The following COL3A1 variants were observed in gnomAD, a reference collection of about 807,000 sequenced individuals.
COL3A1 encodes collagen type III alpha 1 chain, also known as collagen alpha-1(III) chain.
COL3A1 carries 46 observed loss-of-function variants against 200.9 expected under a neutral mutation model. The observed-to-expected ratio is 0.23, with a 90% confidence interval of 0.18 to 0.29. The LOEUF is 0.29. Among genes scored for constraint, COL3A1 ranks in the 10% least tolerant of loss-of-function variants. The pLI is 1.00. For synonymous variants in COL3A1, 650 were observed against 628.0 expected (o/e 1.03, Z -0.52); for missense variants, 1,367 against 1,917.6 (o/e 0.71, Z 5.36).
chr2:189,002,872 C>G (rs1009254727), intron 35 of COL3A1, 83 bp from the exon 36 acceptor site: 4 of 1,072,910 alleles, frequency 3.7e-6, no homozygotes, highest in African/African-American at 1.6e-5. Context: ...CTGAAGAATT[C>G]TATATTCTGA....
Position 188,994,734 on chromosome 2 carries a change from G to C in COL3A1, c.1358G>C (p.Gly453Ala). The change falls in exon 20 of 51, where the codon GGT (glycine) becomes GCT (alanine). Residue 453 changes from glycine (G) to alanine (A), a missense_variant. Gly to Ala is a moderately conservative substitution (Grantham distance 60). This residue lies in a region of COL3A1 where 462 missense variants were observed against 681.4 expected (regional missense o/e 0.68). Transcript: ENST00000304636. The surrounding 1 kb of genome is among the most constrained non-coding windows in gnomAD (Gnocchi z 4.5). ...PGPRGERGEA[G>A]IPGVPGAKGE... The stretch of plus-strand genomic sequence containing the variant: ...TTTTTTTTTTTTCAGGGTGAGGCTG[G>C]TATTCCAGGTGTTCCAGGAGCTAAA... 4 of 1,613,278 alleles carry C rather than the reference G, an allele frequency of 2.5e-6. No homozygotes were observed. Among genetic ancestry groups the C allele is most frequent in the Non-Finnish European group, 3.4e-6 (4 of 1,179,836 alleles).
intron 8 of COL3A1, 55 bp downstream of exon 8, chr2:188,989,504 A>G (rs1688134292): frequency 7.9e-7 from 1 of 1,265,702 alleles, no homozygotes; most frequent in Admixed American, 1.8e-5. Context: ...GGTGTATTCT[A>G]AACAGTATAT....
chr2:188,997,828 T>C, intron 27 of COL3A1, 75 bp downstream of exon 27: 1 of 1,278,314 alleles, frequency 7.8e-7, no homozygotes, highest in Non-Finnish European at 1.1e-6. Context: ...GATTATAATT[T>C]ATCTGAAGCT....
In COL3A1 at chr2:188,985,204, G is replaced by T. The variant is rs1197947308; in HGVS notation, c.290G>T (p.Arg97Leu). Residue 97 changes from arginine to leucine, a missense_variant, in exon 3 of 51, where the codon CGC becomes CTC. Arg to Leu is a moderately radical substitution (Grantham distance 102, BLOSUM62 -2). Around this residue, in one of 5 missense-constraint regions of COL3A1, gnomAD observed 462 missense variants for 681.4 expected, o/e 0.68. Coordinates refer to ENST00000304636, the MANE Select transcript of COL3A1 (RefSeq NM_000090.4). Reference protein sequence around the residue: ...VCPQPPTAPTRPPNGQGPQGP... With the variant: ...VCPQPPTAPTLPPNGQGPQGP... ...TTCTTTTCCATTTATTAGCCTACTC[G>T]CCCTCCTAATGGTCAAGGACCTCAA... The T allele has an allele frequency of 3.7e-6, 6 of 1,612,106 alleles. No individual in the cohort carries two copies. Among genetic ancestry groups the T allele is most frequent in the East Asian group, 2.2e-5 (1 of 44,842 alleles).
At chr2:188,997,634 A>T (rs1688359186) in intron 26 of COL3A1, 66 bp from the exon 27 acceptor site, 1 of 1,508,814 alleles carries the variant, frequency 6.6e-7, no homozygotes, top group Admixed American at 1.7e-5. Context: ...AGGCCTGTTG[A>T]AATGGATACT....
In COL3A1 at chr2:188,996,020, A is replaced by G. The variant is rs959127564; in HGVS notation, c.1609-105A>G. 44 of 1,159,916 alleles carry G rather than the reference A, an allele frequency of 3.8e-5. 1 individual carries two copies. In the Admixed American group the frequency reaches 6.6e-4, roughly 18 times the overall value. The allele number at this position is 1,159,916 out of a possible 1,614,324, so 71.9% of individuals were successfully genotyped here. On this transcript the variant is annotated intron_variant, in intron 22 of 50. Transcript: ENST00000304636. ...ACAGGAAAAAAGATGTGCAAATCTG[A>G]GGCTTCACATGTAAGTGAAAATATC...
At chr2:189,001,729 C>T (rs1237890604) in intron 34 of COL3A1, 140 bp downstream of exon 34, 1 of 811,362 alleles carries the variant, frequency 1.2e-6, no homozygotes, top group Non-Finnish European at 2.1e-6. Context: ...ATATAAGGAA[C>T]CATATAGCAT....
chr2:189,000,445 T>G (rs1282911183), intron 32 of COL3A1, among the ~76,000 whole-genome samples: 1 of 152,130 alleles, frequency 6.6e-6, no homozygotes, highest in African/African-American at 2.4e-5. Flanking sequence ...TAGAACAGAT[T>G]AGTGGTTGCT....
intron 8 of COL3A1, among the ~76,000 whole-genome samples, chr2:188,989,848 A>T: frequency 6.6e-6 from 1 of 152,112 alleles, no homozygotes; most frequent in South Asian, 2.1e-4. Context: ...CCAATGGCAA[A>T]TTCTTTTCAC....
chr2:189,005,870 T>C (rs1688574730), intron 41 of COL3A1, among the ~76,000 whole-genome samples: 1 of 152,198 alleles, frequency 6.6e-6, no homozygotes, highest in Non-Finnish European at 1.5e-5. Context: ...AATATATGTA[T>C]ACAATGTGGA....
At chr2:188,980,220 T>C (rs888345363) in intron 1 of COL3A1, among the ~76,000 whole-genome samples, 2 of 151,508 alleles carry the variant, frequency 1.3e-5, no homozygotes, top group African/African-American at 2.4e-5. Flanking sequence ...AATTTGACAC[T>C]AAGAAGATTT....
At chr2:188,983,820 C>A (rs538792637) in intron 1 of COL3A1, among the ~76,000 whole-genome samples, 1 of 151,920 alleles carries the variant, frequency 6.6e-6, no homozygotes, top group African/African-American at 2.4e-5. Context: ...CAATTACTGG[C>A]AAACTATCAT....
At position 189,007,415 on chromosome 2, in the gene COL3A1, A is replaced by T. The variant is rs974312291; in HGVS notation, c.3256-85A>T. The stretch of plus-strand genomic sequence containing the variant: ...TTTTTTAGCTGATAGAAAGCCATAA[A>T]ATAGATTTAATTATTATAAATTCTA... On this transcript the variant is annotated intron_variant, in intron 44 of 50. Transcript: ENST00000304636. The T allele has an allele frequency of 2.2e-4, 236 of 1,092,694 alleles. 1 individual carries two copies. The highest frequency in any genetic ancestry group is 2.2e-4 in the Non-Finnish European group (167 of 752,032). 67.7% of individuals were successfully genotyped at this position (1,092,694 alleles called of 1,614,324 possible).
Position 188,999,563 on chromosome 2 carries a change from C to A in COL3A1, c.2215C>A (p.Pro739Thr). ...AAGAGGAGGTCTTGGAAGTCCTGGT[C>A]CAAAGGGTGACAAGGTGTTGACTTG... ...GERGGLGSPG[P>T]KGDKGEPGGP... Residue 739 changes from proline to threonine, a missense_variant, in exon 31 of 51, where the codon CCA becomes ACA. Physicochemically the swap from Pro to Thr is conservative, Grantham distance 38. Transcript: ENST00000304636. The A allele has an allele frequency of 1.9e-6, 3 of 1,613,388 alleles. No individual in the cohort carries two copies. Among genetic ancestry groups the A allele is most frequent in the Non-Finnish European group, 2.5e-6 (3 of 1,179,966 alleles).
chr2:188,997,174 G>T lies in COL3A1; in HGVS notation c.1771G>T (p.Gly591Cys). 1 of 1,613,910 alleles carries T rather than the reference G, an allele frequency of 6.2e-7. No homozygotes were observed. The highest frequency in any genetic ancestry group is 8.5e-7 in the Non-Finnish European group (1 of 1,179,974). Residue 591 changes from glycine (G) to cysteine (C), a missense_variant, in exon 25 of 51, where the codon GGT becomes TGT. Transcript: ENST00000304636. ...PGPKGNDGAP[G>C]KNGERGGPGG... ...ACCACTTCTTCTTTAGGGTGCTCCT[G>T]GTAAGAATGGAGAACGAGGTGGCCC...
At chr2:188,989,362 CA>C (rs2153501858) in intron 7 of COL3A1, 33 bp from the exon 8 acceptor site, 1 of 1,507,066 alleles carries the variant, frequency 6.6e-7, no homozygotes, top group Admixed American at 1.8e-5. Context: ...GAAAAATTTA[CA>C]AATCTATTCA....
At chr2:189,004,410 C>T in intron 40 of COL3A1, 46 bp downstream of exon 40, 1 of 1,505,244 alleles carries the variant, frequency 6.6e-7, no homozygotes, top group South Asian at 1.2e-5. Flanking sequence ...CTTTGGTAGC[C>T]TTCAGAGATC....
chr2:188,974,415 A>G lies in COL3A1; in HGVS notation c.-75A>G. The G allele has an allele frequency of 8.8e-7, 1 of 1,138,162 alleles. No homozygotes were observed. The highest frequency in any genetic ancestry group is 2.4e-5 in the East Asian group (1 of 41,964). The allele number at this position is 1,138,162 out of a possible 1,614,324, so 70.5% of individuals were successfully genotyped here. The stretch of plus-strand genomic sequence containing the variant: ...GGCCCGGTGCTGAAGGGCAGGGAAC[A>G]ACTTGATGGTGCTACTTTGAACTGC... On this transcript the variant is annotated 5_prime_UTR_variant, in exon 1 of 51. Transcript: ENST00000304636.
At chr2:189,011,548 G>A in intron 50 of COL3A1, 80 bp from the exon 51 acceptor site, 1 of 1,540,592 alleles carries the variant, frequency 6.5e-7, no homozygotes, top group Non-Finnish European at 9.0e-7. Flanking sequence ...AGAGTAAAAA[G>A]GTTTTCTTTA....
Sources: gnomAD v4.1 joint callset for allele counts (sites outside exome capture counted in the v4.1 genomes callset) on GRCh38, gnomAD v4.1.1 for gene constraint, gnomAD v4.1.1 regional missense constraint, Gnocchi (gnomAD v3.1) non-coding constraint, MANE v1.5 for transcripts, NCBI Gene and HGNC (gene_info 2026-07-23, HGNC 2026-07-21) for gene names.